Variants in EEPD1 observed in about 807,000 individuals in gnomAD.
EEPD1 encodes endonuclease/exonuclease/phosphatase family domain-containing protein 1.
EEPD1 carries 17 observed loss-of-function variants against 46.3 expected under a neutral mutation model. That is an observed-to-expected ratio of 0.37 (90% CI 0.25 to 0.55). The LOEUF is 0.55. EEPD1 is among the 20% of genes least tolerant of loss of function. EEPD1 has a pLI of 0.83. For missense variants in EEPD1, 673 were observed against 745.6 expected, an observed-to-expected ratio of 0.90 and a Z score of 1.13; for synonymous variants, 313 against 315.6, an observed-to-expected ratio of 0.99 and a Z score of 0.09.
intron 2 of EEPD1, among the ~76,000 whole-genome samples, chr7:36,188,128 A>T (rs1355436060): frequency 6.6e-6 from 1 of 151,168 alleles, no homozygotes; most frequent in African/African-American, 2.4e-5. Flanking sequence ...TGTAGTTGTT[A>T]CTCTCTTATT....
intron 2 of EEPD1, among the ~76,000 whole-genome samples, chr7:36,209,139 C>G (rs1230463948): frequency 7.2e-5 from 11 of 152,162 alleles, no homozygotes; most frequent in African/African-American, 2.7e-4. Flanking sequence ...TATGTTAAAA[C>G]CAGCCATGGT....
chr7:36,298,873 C>T, intron 7 of EEPD1, 134 bp from the exon 8 acceptor site: 1 of 959,954 alleles, frequency 1.0e-6, no homozygotes. Context: ...AGGCACCTTC[C>T]AGCTACCTGA....
At chr7:36,284,600 T>C (rs942344474) in intron 4 of EEPD1, 86 bp from the exon 5 acceptor site, 9 of 1,503,824 alleles carry the variant, frequency 6.0e-6, no homozygotes, top group Non-Finnish European at 8.0e-6. Context: ...GCCTACTGCC[T>C]CTCGGTCTCT....
At chr7:36,279,007 A>T (rs1787221255) in intron 3 of EEPD1, among the ~76,000 whole-genome samples, 1 of 152,248 alleles carries the variant, frequency 6.6e-6, no homozygotes, top group South Asian at 2.1e-4. Flanking sequence ...TCAGCAGCAG[A>T]GAACATATCT....
In EEPD1 at chr7:36,244,726, C is replaced by A. The variant is rs531524696; in HGVS notation, c.930+5690C>A. Among the ~76,000 whole-genome samples, 12 of 151,672 alleles carry A rather than the reference C, an allele frequency of 7.9e-5. No individual in the cohort carries two copies. In the South Asian group the frequency reaches 2.5e-3, roughly 32 times the overall value. ...CCTGTGAAACTGCTCTCTGTGATTC[C>A]TTCCCACTCTTCGATACCTGGGCTT... On this transcript the variant is annotated intron_variant, in intron 3 of 7. Transcript: ENST00000242108.
At chr7:36,292,792 C>T (rs1383303751) in intron 6 of EEPD1, among the ~76,000 whole-genome samples, 1 of 152,184 alleles carries the variant, frequency 6.6e-6, no homozygotes, top group Non-Finnish European at 1.5e-5. Context: ...CAGGTGTGAG[C>T]CACTGTGCCT....
chr7:36,238,938 A>G (rs539713238), intron 2 of EEPD1, 47 bp from the exon 3 acceptor site: 3 of 1,576,236 alleles, frequency 1.9e-6, no homozygotes, highest in Middle Eastern at 1.7e-4. Context: ...CCTTGGTGAC[A>G]TGAAATGATT....
At chr7:36,256,589 C>CT (rs974149218) in intron 3 of EEPD1, among the ~76,000 whole-genome samples, 1 of 152,090 alleles carries the variant, frequency 6.6e-6, no homozygotes, top group African/African-American at 2.4e-5. Context: ...CCTTCTTTGT[C>CT]TTTTTTGATC....
chr7:36,281,052 G>T, intron 3 of EEPD1, 63 bp from the exon 4 acceptor site: 7 of 1,449,272 alleles, frequency 4.8e-6, no homozygotes, highest in Middle Eastern at 1.9e-4. Context: ...TTCTCAGGCC[G>T]CCGCCAGCCG....
At position 36,154,421 on chromosome 7, in the gene EEPD1, A is replaced by T; in HGVS notation, c.97A>T (p.Ile33Phe). The stretch of plus-strand genomic sequence containing the variant: ...CAGCGCAGCCTGTAACTTCAGCAAC[A>T]TTCTAGTGAATCAGGAGCGGCTCAA... Reference protein sequence around the residue: ...KFSAACNFSNILVNQERLNIN... With the variant: ...KFSAACNFSNFLVNQERLNIN... Residue 33 changes from isoleucine (I) to phenylalanine (F), a missense_variant, in exon 2 of 8, where the codon ATT (isoleucine) becomes TTT (phenylalanine). Coordinates refer to ENST00000242108, the MANE Select transcript of EEPD1 (RefSeq NM_030636.3). The surrounding 1 kb of genome is among the most constrained non-coding windows in gnomAD (Gnocchi z 4.2). The T allele has an allele frequency of 6.2e-7, 1 of 1,614,180 alleles. No homozygotes were observed. Among genetic ancestry groups the T allele is most frequent in the East Asian group, 2.2e-5 (1 of 44,880 alleles).
chr7:36,223,455 A>AC (rs1194185269), intron 2 of EEPD1, among the ~76,000 whole-genome samples: 10 of 152,108 alleles, frequency 6.6e-5, no homozygotes, highest in Admixed American at 5.2e-4. Context: ...TTAAACATTG[A>AC]CCTGCAGGCC....
intron 3 of EEPD1, among the ~76,000 whole-genome samples, chr7:36,253,159 A>G (rs1381704179): frequency 2.0e-5 from 3 of 152,204 alleles, no homozygotes; most frequent in African/African-American, 4.8e-5. Flanking sequence ...ATTTTAATTC[A>G]TCTCAGAGCA....
At chr7:36,276,734 A>G (rs1787187766) in intron 3 of EEPD1, among the ~76,000 whole-genome samples, 1 of 152,250 alleles carries the variant, frequency 6.6e-6, no homozygotes, top group Non-Finnish European at 1.5e-5. Context: ...GGAACTTGTT[A>G]GAAGTACAAA....
chr7:36,158,273 C>G (rs536346141), intron 2 of EEPD1, among the ~76,000 whole-genome samples: 3 of 152,294 alleles, frequency 2.0e-5, no homozygotes, highest in Admixed American at 2.0e-4. Flanking sequence ...TTTGTAAGCA[C>G]GACACCTTTA....
intron 2 of EEPD1, among the ~76,000 whole-genome samples, chr7:36,224,415 C>T (rs1034726667): frequency 6.6e-6 from 1 of 152,104 alleles, no homozygotes; most frequent in Non-Finnish European, 1.5e-5. Flanking sequence ...CAAATGTTTC[C>T]TTGTTTAAGG....
At chr7:36,223,104 T>TCACG (rs931521429) in intron 2 of EEPD1, among the ~76,000 whole-genome samples, 2 of 151,848 alleles carry the variant, frequency 1.3e-5, no homozygotes, top group African/African-American at 4.8e-5. Flanking sequence ...TGAGCCAAGA[T>TCACG]CACGCTACTG....
chr7:36,242,060 C>G (rs1005515775), intron 3 of EEPD1, among the ~76,000 whole-genome samples: 1 of 152,186 alleles, frequency 6.6e-6, no homozygotes, highest in African/African-American at 2.4e-5. Flanking sequence ...GATGCTGAGG[C>G]TGCGGCGGAG....
intron 3 of EEPD1, among the ~76,000 whole-genome samples, chr7:36,254,503 A>G (rs9801303): frequency 0.46 from 70,642 of 152,002 alleles, 16,697 homozygotes; most frequent in Non-Finnish European, 0.51. Context: ...TATATGTGCC[A>G]CGTTTTCTTT....
chr7:36,160,053 G>T (rs984805114), intron 2 of EEPD1, among the ~76,000 whole-genome samples: 1 of 152,174 alleles, frequency 6.6e-6, no homozygotes, highest in Non-Finnish European at 1.5e-5. Flanking sequence ...AAGGAAGCTG[G>T]GCCCATTTTG....
Sources: gnomAD v4.1 joint callset for allele counts (sites outside exome capture counted in the v4.1 genomes callset) on GRCh38, gnomAD v4.1.1 for gene constraint, Gnocchi (gnomAD v3.1) non-coding constraint, MANE v1.5 for transcripts, NCBI Gene and HGNC (gene_info 2026-07-23, HGNC 2026-07-21) for gene names.